Variants in JAZF1 observed in about 807,000 individuals in gnomAD.
The protein encoded by JAZF1 is juxtaposed with another zinc finger protein 1.
Under a neutral mutation model 26.4 loss-of-function variants are expected in JAZF1, and 8 were observed. That is an observed-to-expected ratio of 0.30 (90% CI 0.18 to 0.55). JAZF1 has a LOEUF of 0.55. Ranked by LOEUF, JAZF1 falls within the 20% of genes least tolerant of loss-of-function variation. JAZF1 has a pLI of 0.94. For synonymous variants in JAZF1, 126 were observed against 122.3 expected, an observed-to-expected ratio of 1.03 and a Z score of -0.20; for missense variants, 199 against 322.0, an observed-to-expected ratio of 0.62 and a Z score of 2.92.
At chr7:27,918,972 T>C (rs1562529024) in intron 2 of JAZF1, among the ~76,000 whole-genome samples, 1 of 152,242 alleles carries the variant, frequency 6.6e-6, no homozygotes, top group Non-Finnish European at 1.5e-5. Context: ...TGGGACTTTG[T>C]GATGTTATCT....
intron 1 of JAZF1, among the ~76,000 whole-genome samples, chr7:28,014,439 G>C (rs1782849167): frequency 1.3e-5 from 2 of 152,304 alleles, no homozygotes; most frequent in South Asian, 4.1e-4. Flanking sequence ...GACCTGGTGG[G>C]AGGTAATTGA....
At chr7:28,147,887 G>A (rs1328241823) in intron 1 of JAZF1, among the ~76,000 whole-genome samples, 2 of 151,624 alleles carry the variant, frequency 1.3e-5, no homozygotes, top group African/African-American at 4.8e-5. Context: ...CCCAGCCTGA[G>A]TGACAAAGTG....
intron 1 of JAZF1, among the ~76,000 whole-genome samples, chr7:28,006,534 T>C (rs1451245330): frequency 6.6e-6 from 1 of 152,204 alleles, no homozygotes; most frequent in Non-Finnish European, 1.5e-5. Context: ...AATAAAGATA[T>C]TATTACTATC....
chr7:28,078,445 C>A (rs1784087687), intron 1 of JAZF1, among the ~76,000 whole-genome samples: 1 of 152,168 alleles, frequency 6.6e-6, no homozygotes, highest in African/African-American at 2.4e-5. Context: ...TTGCAGAAGC[C>A]ATCTCCATGC....
intron 2 of JAZF1, among the ~76,000 whole-genome samples, chr7:27,926,903 A>T (rs1326105071): frequency 6.6e-6 from 1 of 152,196 alleles, no homozygotes; most frequent in Non-Finnish European, 1.5e-5. Flanking sequence ...GACAGCATTG[A>T]TATCATGACA....
rs186956449 is a variant in JAZF1 at position 27,899,522 on chromosome 7, C to T, written c.189-4106G>A. Among the ~76,000 whole-genome samples, 1,165 of 152,232 alleles carry T rather than the reference C, an allele frequency of 7.7e-3. 32 individuals carry two copies. Among genetic ancestry groups the T allele is most frequent in the Non-Finnish European group, 4.7e-3 (321 of 68,012 alleles). ...TGATTACAGTGCACCGAAGCACCAACCTCCTGGGCTCAAGCAATCTTCTTG... is the reference window on the plus strand; with the variant it reads ...TGATTACAGTGCACCGAAGCACCAATCTCCTGGGCTCAAGCAATCTTCTTG... On this transcript the variant is annotated intron_variant, in intron 2 of 4. Transcript: ENST00000283928.
intron 1 of JAZF1, among the ~76,000 whole-genome samples, chr7:28,002,400 C>T (rs1157197722): frequency 6.6e-6 from 1 of 152,218 alleles, no homozygotes; most frequent in Non-Finnish European, 1.5e-5. Context: ...CCAAGGCTTA[C>T]TATGACAATC....
At chr7:27,886,462 A>G (rs947345370) in intron 3 of JAZF1, among the ~76,000 whole-genome samples, 1 of 152,214 alleles carries the variant, frequency 6.6e-6, no homozygotes, top group Non-Finnish European at 1.5e-5. Context: ...TGTTTGCCCA[A>G]ATCACTTTCC....
intron 1 of JAZF1, among the ~76,000 whole-genome samples, chr7:28,017,138 G>T (rs753864988): frequency 6.6e-6 from 1 of 152,038 alleles, no homozygotes; most frequent in East Asian, 1.9e-4. Flanking sequence ...ATCACCCAAG[G>T]TCAGGAGTTC....
intron 2 of JAZF1, among the ~76,000 whole-genome samples, chr7:27,918,042 A>G (rs749784794): frequency 9.9e-5 from 15 of 152,160 alleles, no homozygotes; most frequent in Non-Finnish European, 2.1e-4. Flanking sequence ...GTGATTACAG[A>G]ATGTGGGTTG....
intron 1 of JAZF1, among the ~76,000 whole-genome samples, chr7:28,100,648 A>G (rs1275809718): frequency 6.6e-6 from 1 of 152,236 alleles, no homozygotes; most frequent in African/African-American, 2.4e-5. Context: ...CCATCACAGA[A>G]GTGCCTTCAC....
chr7:27,982,808 C>T (rs1359196927), intron 2 of JAZF1, among the ~76,000 whole-genome samples: 1 of 152,186 alleles, frequency 6.6e-6, no homozygotes, highest in African/African-American at 2.4e-5. Context: ...GCAGCCTCCG[C>T]TGGTGATACA....
intron 1 of JAZF1, among the ~76,000 whole-genome samples, chr7:28,020,304 G>T (rs1583512840): frequency 6.6e-6 from 1 of 152,158 alleles, no homozygotes; most frequent in Admixed American, 6.5e-5. Flanking sequence ...TAGGAGTGAG[G>T]AAAGTATTTA....
At chr7:28,038,847 G>C (rs1164948151) in intron 1 of JAZF1, among the ~76,000 whole-genome samples, 1 of 152,164 alleles carries the variant, frequency 6.6e-6, no homozygotes, top group Non-Finnish European at 1.5e-5. Flanking sequence ...TACATATTCA[G>C]CTTCACTGTC....
chr7:27,984,498 A>G (rs1434695903), intron 2 of JAZF1, among the ~76,000 whole-genome samples: 1 of 152,174 alleles, frequency 6.6e-6, no homozygotes, highest in Non-Finnish European at 1.5e-5. Context: ...CCACACAATA[A>G]TAACGGGAGA....
chr7:28,135,911 T>A (rs1430794769), intron 1 of JAZF1, among the ~76,000 whole-genome samples: 1 of 152,192 alleles, frequency 6.6e-6, no homozygotes, highest in Non-Finnish European at 1.5e-5. Context: ...TGTATTAGAG[T>A]CTTGTACTAT....
At position 27,922,596 on chromosome 7, in the gene JAZF1, C is replaced by T. The variant is rs185796362; in HGVS notation, c.189-27180G>A. 7.0e-3 allele frequency among the ~76,000 whole-genome samples: 1,060 copies of T among 152,196 alleles called. 5 individuals are homozygous for T. Among genetic ancestry groups the T allele is most frequent in the Non-Finnish European group, 0.012 (811 of 68,016 alleles). On this transcript the variant is annotated intron_variant, in intron 2 of 4. Coordinates refer to ENST00000283928, the MANE Select transcript of JAZF1 (RefSeq NM_175061.4). The stretch of plus-strand genomic sequence containing the variant: ...GCAAAATAACCAAATAACTTAAAGT[C>T]AGCAAAATAACTTTTAATAGGAAAA...
chr7:27,906,590 A>C (rs1784262436), intron 2 of JAZF1, among the ~76,000 whole-genome samples: 1 of 152,252 alleles, frequency 6.6e-6, no homozygotes, highest in Non-Finnish European at 1.5e-5. Context: ...GTCACAGGTC[A>C]GCATAAATTA....
chr7:28,163,710 CT>C (rs746189218), intron 1 of JAZF1, among the ~76,000 whole-genome samples: 9 of 152,198 alleles, frequency 5.9e-5, no homozygotes, highest in Non-Finnish European at 1.0e-4. Flanking sequence ...TTATTAACTC[CT>C]CCATGGGGAG....
Sources: allele counts gnomAD v4.1 joint callset (sites outside exome capture counted in the v4.1 genomes callset), GRCh38; gene constraint gnomAD v4.1.1; transcripts MANE v1.5; gene names NCBI Gene and HGNC (gene_info 2026-07-23, HGNC 2026-07-21).